Variants in ADAMTSL3 observed in about 807,000 individuals in gnomAD.
The protein encoded by ADAMTSL3 is ADAMTS like 3, also known as ADAMTS-like protein 3.
A neutral mutation model predicts 201.7 loss-of-function variants in ADAMTSL3; 128 were observed. The observed-to-expected ratio is 0.63, with a 90% CI of 0.55 to 0.73. The LOEUF is 0.73. Ranked by LOEUF, ADAMTSL3 falls within the 30% of genes least tolerant of loss-of-function variation. The probability of loss-of-function intolerance (pLI) is 0.00; values close to 1 mark genes in which losing one functional copy is unlikely to be tolerated. For synonymous variants in ADAMTSL3, 738 were observed against 748.4 expected (o/e 0.99, Z 0.23); for missense variants, 1,990 against 2,119.6 (o/e 0.94, Z 1.20).
At chr15:83,818,247 C>T (rs2063799418) in intron 5 of ADAMTSL3, among the ~76,000 whole-genome samples, 1 of 152,104 alleles carries the variant, frequency 6.6e-6, no homozygotes, top group Admixed American at 6.6e-5. Context: ...TGAGTAGAAA[C>T]TATTTTCCAA....
At position 83,966,723 on chromosome 15, in the gene ADAMTSL3, C is replaced by CA. The variant is rs562894385; in HGVS notation, c.2491-3752dup. Among the ~76,000 whole-genome samples the CA allele has an allele frequency of 4.8e-3, 723 of 150,588 alleles. 6 individuals are homozygous for CA. The highest frequency in any genetic ancestry group is 0.014 in the Middle Eastern group (4 of 292). The stretch of plus-strand genomic sequence containing the variant: ...ATACCAAAACCTGGCAGAAACACAA[C>CA]AAAAAAAAAGAAAATTTCAGGCCAA... On this transcript the variant is annotated intron_variant, in intron 19 of 29. Coordinates refer to ENST00000286744, the MANE Select transcript of ADAMTSL3 (RefSeq NM_207517.3).
At chr15:83,673,852 C>A (rs757745389) in intron 2 of ADAMTSL3, among the ~76,000 whole-genome samples, 1 of 152,184 alleles carries the variant, frequency 6.6e-6, no homozygotes, top group Non-Finnish European at 1.5e-5. Flanking sequence ...CTAGGGTTGG[C>A]ACCAGAAGTG....
chr15:83,818,024 C>G (rs2063795976), intron 5 of ADAMTSL3, among the ~76,000 whole-genome samples: 2 of 152,016 alleles, frequency 1.3e-5, no homozygotes, highest in South Asian at 2.1e-4. Context: ...AAAGAAAACG[C>G]AAACGAAAAC....
intron 6 of ADAMTSL3, among the ~76,000 whole-genome samples, chr15:83,823,972 T>TCTTCTTCTTCTTCTC (rs1567170062): frequency 4.2e-5 from 3 of 71,214 alleles, no homozygotes; most frequent in Middle Eastern, 9.3e-3. Flanking sequence ...TTCTTCTTCT[T>TCTTCTTCTTCTTCTC]CTCCTCCTCC....
intron 3 of ADAMTSL3, among the ~76,000 whole-genome samples, chr15:83,743,863 A>T (rs1398548892): frequency 6.6e-6 from 1 of 152,042 alleles, no homozygotes; most frequent in African/African-American, 2.4e-5. Flanking sequence ...ATATCTTTTT[A>T]ATTTTTTTTT....
At chr15:83,869,905 G>T (rs908375098) in intron 8 of ADAMTSL3, among the ~76,000 whole-genome samples, 12 of 152,046 alleles carry the variant, frequency 7.9e-5, no homozygotes, top group Non-Finnish European at 1.6e-4. Flanking sequence ...GGCCAGAAAC[G>T]CAGGTGCCCC....
chr15:83,730,942 A>G (rs962874729), intron 3 of ADAMTSL3, among the ~76,000 whole-genome samples: 1 of 151,984 alleles, frequency 6.6e-6, no homozygotes, highest in African/African-American at 2.4e-5. Context: ...TTTTGAGTTG[A>G]TTTTTGGGTA....
chr15:83,980,272 A>G (rs1171829172), intron 20 of ADAMTSL3, among the ~76,000 whole-genome samples: 3 of 152,172 alleles, frequency 2.0e-5, no homozygotes, highest in Non-Finnish European at 2.9e-5. Context: ...TCGAACAACT[A>G]TGGGGTTAAC....
At chr15:83,961,852 A>G (rs2066976359) in intron 19 of ADAMTSL3, 1 of 152,240 alleles carries the variant, frequency 6.6e-6, no homozygotes, top group African/African-American at 2.4e-5. Flanking sequence ...CTAATCAACT[A>G]ACAATTATAT....
chr15:83,869,564 A>G (rs1273701499), intron 8 of ADAMTSL3, among the ~76,000 whole-genome samples: 1 of 152,192 alleles, frequency 6.6e-6, no homozygotes, highest in Non-Finnish European at 1.5e-5. Flanking sequence ...CCTGTTATGC[A>G]GTCTGTCCAG....
intron 24 of ADAMTSL3, 96 bp from the exon 25 acceptor site, chr15:84,016,287 A>G (rs1201673689): frequency 1.2e-6 from 1 of 858,468 alleles, no homozygotes; most frequent in South Asian, 1.6e-5. Flanking sequence ...ATTATAGAGG[A>G]CTCATTTTCT....
chr15:83,891,681 A>T (rs904529629), intron 12 of ADAMTSL3, among the ~76,000 whole-genome samples: 9 of 152,188 alleles, frequency 5.9e-5, no homozygotes, highest in Non-Finnish European at 1.0e-4. Flanking sequence ...TTATACCGAG[A>T]TGAGTAGTAT....
At chr15:83,663,950 C>T (rs1595987689) in intron 2 of ADAMTSL3, among the ~76,000 whole-genome samples, 1 of 152,112 alleles carries the variant, frequency 6.6e-6, no homozygotes, top group Non-Finnish European at 1.5e-5. Flanking sequence ...TCTTTGGCTC[C>T]TCTCTGGCTT....
chr15:83,846,543 A>T (rs2064501967), intron 7 of ADAMTSL3, among the ~76,000 whole-genome samples: 3 of 152,214 alleles, frequency 2.0e-5, no homozygotes, highest in African/African-American at 7.2e-5. Flanking sequence ...GCCTCAGCCA[A>T]CCCACCCCTT....
At position 83,674,698 on chromosome 15, in the gene ADAMTSL3, T is replaced by C. The variant is rs28796994; in HGVS notation, c.69+18868T>C. Among the ~76,000 whole-genome samples the C allele has an allele frequency of 4.1e-3, 504 of 124,134 alleles. 4 individuals are homozygous for C. The South Asian group carries it at 0.042, about 10-fold the overall frequency. 81.4% of individuals were successfully genotyped at this position (124,134 alleles called of 152,430 possible). On this transcript the variant is annotated intron_variant, in intron 2 of 29. Coordinates refer to ENST00000286744, the MANE Select transcript of ADAMTSL3 (RefSeq NM_207517.3). ...ACACACATATATACATATATACACA[T>C]ATATATACATATATACACACATATA...
At chr15:84,035,217 G>A (rs898096051) in intron 28 of ADAMTSL3, among the ~76,000 whole-genome samples, 1 of 152,156 alleles carries the variant, frequency 6.6e-6, no homozygotes, top group African/African-American at 2.4e-5. Flanking sequence ...AGCAAAAGGG[G>A]CTGTTTTACA....
chr15:83,686,688 A>G (rs1297044555), intron 2 of ADAMTSL3, among the ~76,000 whole-genome samples: 1 of 152,094 alleles, frequency 6.6e-6, no homozygotes, highest in African/African-American at 2.4e-5. Flanking sequence ...CCCTTTAGGT[A>G]TCATCTCCTT....
chr15:84,031,386 G>A lies in ADAMTSL3; in HGVS notation c.4708G>A (p.Ala1570Thr). Residue 1570 changes from alanine to threonine, a missense_variant, in exon 28 of 30, where the codon GCT becomes ACT. Transcript: ENST00000286744. Reference sequence around the variant, plus strand: ...TGTGAGGATGCAGCAGCGTCACACAGCTTGTCAACACAACAGCTCTGACTC... The same window carrying A: ...TGTGAGGATGCAGCAGCGTCACACAACTTGTCAACACAACAGCTCTGACTC... Reference protein sequence around the residue: ...RAVRMQQRHTACQHNSSDSNC... With the variant: ...RAVRMQQRHTTCQHNSSDSNC... 1 of 1,614,106 alleles carries A rather than the reference G, an allele frequency of 6.2e-7. No individual in the cohort carries two copies. The highest frequency in any genetic ancestry group is 8.5e-7 in the Non-Finnish European group (1 of 1,180,030).
chr15:83,696,298 T>C (rs1409127718), intron 2 of ADAMTSL3, among the ~76,000 whole-genome samples: 2 of 152,216 alleles, frequency 1.3e-5, no homozygotes, highest in Admixed American at 1.3e-4. Flanking sequence ...CAGTGCGGCC[T>C]TGACCTCCTG....
Sources: allele counts gnomAD v4.1 joint callset (sites outside exome capture counted in the v4.1 genomes callset), GRCh38; gene constraint gnomAD v4.1.1; transcripts MANE v1.5; gene names NCBI Gene and HGNC (gene_info 2026-07-23, HGNC 2026-07-21).